PHACTR1: variants seen among roughly 807,000 people sequenced by gnomAD.
PHACTR1 encodes the protein phosphatase and actin regulator 1, also known as RPEL repeat containing 1.
Under a neutral mutation model 69.2 loss-of-function variants are expected in PHACTR1, and 16 were observed. The ratio of observed to expected loss-of-function variants is 0.23; its 90% CI spans 0.16 to 0.35. The LOEUF is 0.35. PHACTR1 is among the 10% of genes least tolerant of loss of function. PHACTR1 has a pLI of 1.00. For synonymous variants in PHACTR1, 312 were observed against 284.5 expected (o/e 1.10, Z -0.97); for missense variants, 510 against 734.7 (o/e 0.69, Z 3.54).
chr6:13,207,804 G>A (rs1283951816), intron 8 of PHACTR1, among the ~76,000 whole-genome samples: 1 of 152,100 alleles, frequency 6.6e-6, no homozygotes, highest in African/African-American at 2.4e-5. Context: ...TCCTACAGAT[G>A]GAAAATGGCA....
chr6:13,011,177 A>G (rs1225238830), intron 4 of PHACTR1, among the ~76,000 whole-genome samples: 1 of 152,230 alleles, frequency 6.6e-6, no homozygotes, highest in Non-Finnish European at 1.5e-5. Flanking sequence ...ACAACTTTCA[A>G]TGGTGATGGA....
intron 8 of PHACTR1, among the ~76,000 whole-genome samples, chr6:13,222,429 G>A (rs1003782273): frequency 8.3e-4 from 127 of 152,218 alleles, no homozygotes; most frequent in African/African-American, 2.8e-3. Context: ...AGGAGTGCAA[G>A]TAACTGAGTA....
intron 4 of PHACTR1, among the ~76,000 whole-genome samples, chr6:12,837,095 C>A (rs1778245419): frequency 6.6e-6 from 1 of 152,180 alleles, no homozygotes; most frequent in South Asian, 2.1e-4. Context: ...CTGCTACAAA[C>A]CCTGCTGTCT....
At chr6:12,794,310 G>A (rs9463114) in intron 4 of PHACTR1, among the ~76,000 whole-genome samples, 10,614 of 152,306 alleles carry the variant, frequency 0.07, 466 homozygotes, top group Admixed American at 0.1. Flanking sequence ...CTGCTGAAGT[G>A]TTAAGGGTAT....
rs201376090 is a variant in PHACTR1 at position 12,944,783 on chromosome 6, A to ATTTTTT, written c.251-108579_251-108578insTTTTTT. 4.5e-3 allele frequency among the ~76,000 whole-genome samples: 536 copies of ATTTTTT among 119,186 alleles called. 2 individuals carry two copies. Among genetic ancestry groups the ATTTTTT allele is most frequent in the African/African-American group, 0.015 (451 of 29,360 alleles). The allele number at this position is 119,186 out of a possible 152,430, so 78.2% of individuals were successfully genotyped here. A position where few individuals can be genotyped will look rare whatever the true frequency, so the allele number is the denominator to read the frequency against. On this transcript the variant is annotated intron_variant, in intron 4 of 14. Transcript: ENST00000332995. ...TTTATTTATTTATTTATTTATTTTT[A>ATTTTTT]TTTATTTTTTTTTTTTTGAGACGGA... is the stretch of plus-strand genomic sequence containing the variant.
At chr6:12,743,993 T>C (rs540076331) in intron 3 of PHACTR1, among the ~76,000 whole-genome samples, 2 of 152,136 alleles carry the variant, frequency 1.3e-5, no homozygotes, top group Non-Finnish European at 2.9e-5. Context: ...GAACTCAGGA[T>C]TAAGAAACTC....
chr6:12,890,942 T>C (rs558045975), intron 4 of PHACTR1, among the ~76,000 whole-genome samples: 27 of 152,368 alleles, frequency 1.8e-4, no homozygotes, highest in African/African-American at 6.3e-4. Context: ...TGTTCACTCA[T>C]GTATCCCAGT....
intron 4 of PHACTR1, among the ~76,000 whole-genome samples, chr6:12,894,718 T>C (rs1784484972): frequency 6.6e-6 from 1 of 152,214 alleles, no homozygotes; most frequent in African/African-American, 2.4e-5. Flanking sequence ...TTAACATGTT[T>C]CTGTTAGAGC....
intron 4 of PHACTR1, among the ~76,000 whole-genome samples, chr6:12,873,778 G>A (rs115404596): frequency 0.019 from 2,795 of 150,878 alleles, 86 homozygotes; most frequent in African/African-American, 0.064. Flanking sequence ...AGAGGAGGAT[G>A]TAAGGGAGAG....
chr6:12,992,541 C>A (rs1039448585), intron 4 of PHACTR1, among the ~76,000 whole-genome samples: 2 of 152,146 alleles, frequency 1.3e-5, no homozygotes, highest in African/African-American at 2.4e-5. Context: ...GTCTTGGACA[C>A]CATGTTGCAA....
chr6:12,857,270 A>G (rs1297785874), intron 4 of PHACTR1, among the ~76,000 whole-genome samples: 1 of 152,190 alleles, frequency 6.6e-6, no homozygotes, highest in East Asian at 1.9e-4. Context: ...AGGATCTAAA[A>G]TTTACACTTA....
At chr6:12,850,179 C>T (rs1779686181) in intron 4 of PHACTR1, among the ~76,000 whole-genome samples, 1 of 152,188 alleles carries the variant, frequency 6.6e-6, no homozygotes, top group African/African-American at 2.4e-5. Context: ...CTATTCTTAT[C>T]CCAAAGCCTA....
At chr6:12,804,404 G>A (rs1272323875) in intron 4 of PHACTR1, among the ~76,000 whole-genome samples, 1 of 152,206 alleles carries the variant, frequency 6.6e-6, no homozygotes, top group African/African-American at 2.4e-5. Flanking sequence ...TAACCTCAGA[G>A]ATGTGATAAA....
chr6:13,142,923 G>T (rs1377848871), intron 5 of PHACTR1, among the ~76,000 whole-genome samples: 2 of 152,034 alleles, frequency 1.3e-5, no homozygotes, highest in South Asian at 4.1e-4. Flanking sequence ...TTTAGGCCCA[G>T]CTTCCTTCAT....
chr6:12,962,837 T>C (rs1431945736), intron 4 of PHACTR1, among the ~76,000 whole-genome samples: 4 of 152,226 alleles, frequency 2.6e-5, no homozygotes, highest in African/African-American at 7.2e-5. Context: ...AGATTGATCC[T>C]GTCATCCAGG....
At chr6:12,854,064 T>C (rs1365942219) in intron 4 of PHACTR1, among the ~76,000 whole-genome samples, 1 of 152,050 alleles carries the variant, frequency 6.6e-6, no homozygotes, top group African/African-American at 2.4e-5. Flanking sequence ...GGTGACTGGG[T>C]TATGGGTGTA....
chr6:13,281,422 C>T (rs919141089), intron 12 of PHACTR1: 3 of 305,854 alleles, frequency 9.8e-6, no homozygotes, highest in South Asian at 2.6e-5. Context: ...GACAAGGTGG[C>T]GCATACCTGT....
intron 5 of PHACTR1, among the ~76,000 whole-genome samples, chr6:13,158,063 G>A (rs1583632277): frequency 6.6e-6 from 1 of 152,044 alleles, no homozygotes; most frequent in Non-Finnish European, 1.5e-5. Context: ...TGTATTTTTA[G>A]TAGAGATGGG....
chr6:12,765,831 C>T (rs1271013695), intron 4 of PHACTR1, among the ~76,000 whole-genome samples: 1 of 152,168 alleles, frequency 6.6e-6, no homozygotes, highest in Non-Finnish European at 1.5e-5. Context: ...AGCTTTTCCT[C>T]ATCAATATTC....
Sources: allele counts gnomAD v4.1 joint callset (sites outside exome capture counted in the v4.1 genomes callset), GRCh38; gene constraint gnomAD v4.1.1; transcripts MANE v1.5; gene names NCBI Gene and HGNC (gene_info 2026-07-23, HGNC 2026-07-21).